ABCA4: variants seen among roughly 807,000 people sequenced by gnomAD.
ABCA4 encodes retinal-specific phospholipid-transporting ATPase ABCA4.
Under a neutral mutation model 263.7 loss-of-function variants are expected in ABCA4, and 196 were observed. The observed-to-expected ratio is 0.74, with a 90% CI of 0.66 to 0.84. The LOEUF (loss-of-function observed/expected upper bound fraction) is 0.84, where lower values mean the gene tolerates loss of function less well. ABCA4 is among the 40% of genes least tolerant of loss of function. The probability of loss-of-function intolerance (pLI) is 0.00; values close to 1 mark genes in which losing one functional copy is unlikely to be tolerated. For synonymous variants in ABCA4, 1,133 were observed against 1,094.2 expected (o/e 1.04, Z -0.70); for missense variants, 2,792 against 2,855.1 (o/e 0.98, Z 0.50).
At chr1:94,114,551 A>T (rs1570435542) in intron 1 of ABCA4, among the ~76,000 whole-genome samples, 2 of 151,998 alleles carry the variant, frequency 1.3e-5, no homozygotes, top group African/African-American at 4.8e-5. Context: ...CAGTGGCACG[A>T]TCTTGGCTCA....
At chr1:94,108,859 G>GC in intron 3 of ABCA4, 143 bp from the exon 4 acceptor site, 6 of 1,073,802 alleles carry the variant, frequency 5.6e-6, no homozygotes, top group Non-Finnish European at 8.0e-6. Context: ...TGCAAGCTCT[G>GC]CCCCCCGGGT....
intron 6 of ABCA4, among the ~76,000 whole-genome samples, chr1:94,086,941 C>T (rs1365562118): frequency 1.3e-5 from 2 of 152,128 alleles, no homozygotes; most frequent in African/African-American, 4.8e-5. Flanking sequence ...ATCTATTTCC[C>T]ACAGATCTGG....
chr1:94,022,574 A>G (rs1448808139), intron 32 of ABCA4, among the ~76,000 whole-genome samples: 1 of 152,028 alleles, frequency 6.6e-6, no homozygotes, highest in South Asian at 2.1e-4. Context: ...CCTGGGATCT[A>G]TCTCCTGTAC....
At chr1:94,037,691 T>C (rs551918979) in intron 24 of ABCA4, among the ~76,000 whole-genome samples, 10 of 152,272 alleles carry the variant, frequency 6.6e-5, no homozygotes, top group Admixed American at 5.9e-4. Flanking sequence ...CTATGTTATG[T>C]TGGGTGGGTC....
chr1:94,017,442 C>T (rs1659772346), intron 36 of ABCA4, among the ~76,000 whole-genome samples: 1 of 152,212 alleles, frequency 6.6e-6, no homozygotes, highest in Non-Finnish European at 1.5e-5. Context: ...AGCCTGCAGT[C>T]CTCAAAGTGT....
At chr1:94,039,919 G>A (rs1660441258) in intron 24 of ABCA4, 124 bp downstream of exon 24, 1 of 798,558 alleles carries the variant, frequency 1.3e-6, no homozygotes, top group Non-Finnish European at 2.2e-6. Context: ...GAACAACTGT[G>A]TGACCTGCAG....
rs1246772980 is a variant in ABCA4, at chr1:94,037,266, A to T, written c.3692T>A (p.Phe1231Tyr). The change falls in exon 25 of 50, where the codon TTC (phenylalanine) becomes TAC (tyrosine). Residue 1231 changes from phenylalanine to tyrosine, a missense_variant. Physicochemically the swap from Phe to Tyr is conservative, Grantham distance 22 (BLOSUM62 3). Coordinates refer to ENST00000370225, the MANE Select transcript of ABCA4 (RefSeq NM_000350.3). Reference protein sequence around the residue: ...LVECIGQELIFLLPNKNFKHR... With the variant: ...LVECIGQELIYLLPNKNFKHR... ...CTTGAAGTTCTTATTTGGAAGAAGG[A>T]AGATAAGTTCTTGACCAATGCACTC... is the stretch of plus-strand genomic sequence containing the variant. 6.2e-7 allele frequency: 1 copy of T among 1,614,232 alleles called. No individual in the cohort carries two copies. Among genetic ancestry groups the T allele is most frequent in the Non-Finnish European group, 8.5e-7 (1 of 1,180,036 alleles).
At chr1:94,042,662 G>T in intron 22 of ABCA4, 99 bp downstream of exon 22, 5 of 1,515,012 alleles carry the variant, frequency 3.3e-6, no homozygotes, top group Non-Finnish European at 4.6e-6. Flanking sequence ...AGTCATTGTG[G>T]TTCCTGTACT....
chr1:94,002,149 C>T (rs2100995952), intron 44 of ABCA4, among the ~76,000 whole-genome samples, 157 bp from the exon 45 acceptor site: 1 of 152,332 alleles, frequency 6.6e-6, no homozygotes. Context: ...CTGGCATGTG[C>T]TTCAGGCGCC....
intron 1 of ABCA4, among the ~76,000 whole-genome samples, chr1:94,114,913 CCAGCACCCCACATGGGG>C (rs1662715965): frequency 6.6e-6 from 1 of 152,222 alleles, no homozygotes. Flanking sequence ...TACTGTGATT[CCAGCACCCCACATGGGG>C]CAGAACTCAT....
chr1:94,117,017 T>C (rs904176434), intron 1 of ABCA4, among the ~76,000 whole-genome samples: 3 of 148,960 alleles, frequency 2.0e-5, no homozygotes, highest in Non-Finnish European at 4.5e-5. Context: ...TTTCTTTCTT[T>C]CTTTCTTTCC....
In ABCA4 at chr1:93,999,524, G is replaced by A. The variant is rs541124060; in HGVS notation, c.6479+1312C>T. ...TGGAGCTGCTAGGGCTTGGGCCATT[G>A]GTGCTTTCTTTCTCCTTCAGCAGGA... On this transcript the variant is annotated intron_variant, in intron 47 of 49. Coordinates refer to ENST00000370225, the MANE Select transcript of ABCA4 (RefSeq NM_000350.3). Among the ~76,000 whole-genome samples the A allele has an allele frequency of 9.1e-4, 135 of 147,648 alleles. 1 individual carries two copies. The highest frequency in any genetic ancestry group is 3.4e-3 in the African/African-American group (129 of 37,662).
intron 17 of ABCA4, 50 bp downstream of exon 17, chr1:94,051,583 G>T: frequency 1.3e-6 from 2 of 1,495,210 alleles, no homozygotes; most frequent in Non-Finnish European, 1.9e-6. Context: ...CTTGCACAGA[G>T]CCCAAGGAGT....
intron 17 of ABCA4, 116 bp from the exon 18 acceptor site, chr1:94,049,073 G>T: frequency 1.1e-6 from 1 of 916,634 alleles, no homozygotes. Context: ...CCTTTGACCT[G>T]CTCTAGGACT....
intron 33 of ABCA4, 37 bp downstream of exon 33, chr1:94,021,809 C>A (rs1553188672): frequency 1.2e-6 from 2 of 1,610,794 alleles, no homozygotes; most frequent in Non-Finnish European, 8.5e-7. Flanking sequence ...TTAAGCAAGT[C>A]AAAAATCCTA....
intron 7 of ABCA4, 48 bp from the exon 8 acceptor site, chr1:94,080,766 T>C: frequency 1.2e-6 from 2 of 1,613,384 alleles, no homozygotes; most frequent in Non-Finnish European, 8.5e-7. Context: ...GCTAGAGTCA[T>C]AATCTGCTGT....
Position 94,078,640 on chromosome 1 carries a change from G to T in ABCA4, c.1306C>A (p.Pro436Thr). Residue 436 changes from proline (P) to threonine (T), a missense_variant, in exon 10 of 50, where the codon CCC (proline) becomes ACC (threonine). Pro to Thr is a conservative substitution (Grantham distance 38). Coordinates refer to ENST00000370225, the MANE Select transcript of ABCA4 (RefSeq NM_000350.3). Reference protein sequence around the residue: ...KLVKAWEEVGPQIWYFFDNST... With the variant: ...KLVKAWEEVGTQIWYFFDNST... The stretch of plus-strand genomic sequence containing the variant: ...TTGTCAAAGAAGTACCAGATCTGGG[G>T]CCCTACTTCTTCCCAGGCTTTGACC... The T allele has an allele frequency of 3.7e-6, 6 of 1,613,414 alleles. No individual in the cohort carries two copies. Among genetic ancestry groups the T allele is most frequent in the Non-Finnish European group, 5.1e-6 (6 of 1,179,906 alleles).
chr1:94,021,262 C>A lies in ABCA4; in HGVS notation c.4996G>T (p.Glu1666Ter), dbSNP rs773880325. ...TACACTGTAATCTCTGAGAGCTGCT[C>A]CTTGGTCAGGTTCAGGGGTTGGCTA... The part of the protein sequence containing the change: ...VISQPLNLTK[E>*]QLSEITVLTT... The change falls in exon 35 of 50, where the codon GAG becomes TAG. Residue 1666 changes from glutamate to a stop codon, truncating the protein, a stop_gained. Coordinates refer to ENST00000370225, the MANE Select transcript of ABCA4 (RefSeq NM_000350.3). LOFTEE classifies it high-confidence loss of function. 1.5e-5 allele frequency: 24 copies of A among 1,614,172 alleles called. No individual in the cohort carries two copies. Among genetic ancestry groups the A allele is most frequent in the Non-Finnish European group, 1.9e-5 (23 of 1,180,028 alleles).
At chr1:94,079,782 C>T (rs1313124621) in intron 8 of ABCA4, among the ~76,000 whole-genome samples, 2 of 152,178 alleles carry the variant, frequency 1.3e-5, no homozygotes, top group African/African-American at 4.8e-5. Flanking sequence ...ATGAAAGGGA[C>T]TGAGAGGCCA....
Sources: gnomAD v4.1 joint callset for allele counts (sites outside exome capture counted in the v4.1 genomes callset) on GRCh38, gnomAD v4.1.1 for gene constraint, MANE v1.5 for transcripts, NCBI Gene and HGNC (gene_info 2026-07-23, HGNC 2026-07-21) for gene names.